The following PDPR variants were observed in gnomAD, a reference collection of about 807,000 sequenced individuals.
The protein encoded by PDPR is pyruvate dehydrogenase phosphatase regulatory subunit, also known as pyruvate dehydrogenase phosphatase regulatory subunit, mitochondrial.
A neutral mutation model predicts 102.2 loss-of-function variants in PDPR; 50 were observed. The ratio of observed to expected loss-of-function variants is 0.49; its 90% CI spans 0.39 to 0.62. The LOEUF (loss-of-function observed/expected upper bound fraction) is 0.62. Ranked by LOEUF, PDPR falls within the 20% of genes least tolerant of loss-of-function variation. PDPR has a pLI of 0.00. For synonymous variants in PDPR, 259 were observed against 406.0 expected (o/e 0.64, Z 4.35); for missense variants, 625 against 1,098.2 (o/e 0.57, Z 6.09).
chr16:70,116,509 C>T (rs532775550), intron 2 of PDPR, among the ~76,000 whole-genome samples: 3 of 148,274 alleles, frequency 2.0e-5, no homozygotes, highest in African/African-American at 7.5e-5. Context: ...GAGTTCAGGA[C>T]CAGCCTGGGC....
chr16:70,117,357 T>TA (rs1295649691), intron 2 of PDPR, among the ~76,000 whole-genome samples: 16 of 136,482 alleles, frequency 1.2e-4, no homozygotes, highest in Non-Finnish European at 1.6e-4. Context: ...TCCTAAAAAT[T>TA]AAAAAAAAAA....
intron 17 of PDPR, among the ~76,000 whole-genome samples, chr16:70,148,936 C>A (rs1450517679): frequency 6.6e-6 from 1 of 151,806 alleles, no homozygotes; most frequent in Non-Finnish European, 1.5e-5. Flanking sequence ...ACTCTTTTGC[C>A]CAGGGTGGAG....
At chr16:70,132,375 A>G in intron 9 of PDPR, 75 bp downstream of exon 9, 2 of 1,435,374 alleles carry the variant, frequency 1.4e-6, no homozygotes, top group South Asian at 1.2e-5. Context: ...ATTTTGAAGA[A>G]TAGTTCCTTG....
At chr16:70,114,539 C>T (rs892290300) in intron 1 of PDPR, 99 bp downstream of exon 1, 2 of 152,204 alleles carry the variant, frequency 1.3e-5, no homozygotes, top group Non-Finnish European at 2.9e-5. Context: ...TGGTTTCGCC[C>T]GGGGGTGGTC....
intron 7 of PDPR, among the ~76,000 whole-genome samples, 160 bp downstream of exon 7, chr16:70,130,704 A>G (rs565176959): frequency 6.6e-6 from 1 of 152,410 alleles, no homozygotes; most frequent in East Asian, 1.9e-4. Context: ...CTTAGTCTGC[A>G]AATAGAAGCC....
At chr16:70,153,703 A>G (rs1966857836) in intron 18 of PDPR, 130 bp downstream of exon 18, 2 of 1,009,884 alleles carry the variant, frequency 2.0e-6, no homozygotes, top group Non-Finnish European at 2.8e-6. Flanking sequence ...GCATCAGGTA[A>G]ATGAGGACAA....
At chr16:70,117,742 G>C (rs1168344651) in intron 2 of PDPR, among the ~76,000 whole-genome samples, 1 of 151,718 alleles carries the variant, frequency 6.6e-6, no homozygotes, top group Admixed American at 6.6e-5. Context: ...AAGAACCAGA[G>C]TGTGAAGGAT....
chr16:70,142,804 T>C, intron 13 of PDPR, 118 bp downstream of exon 13: 2 of 1,374,450 alleles, frequency 1.5e-6, no homozygotes, highest in Non-Finnish European at 1.0e-6. Context: ...CATGCCTGTA[T>C]TCCCAGCACT....
intron 2 of PDPR, 94 bp from the exon 3 acceptor site, chr16:70,120,367 G>C (rs1252731864): frequency 1.4e-6 from 1 of 716,266 alleles, no homozygotes. Context: ...AATATTTGCT[G>C]AATGAATGGC....
chr16:70,141,663 T>C (rs982413653), intron 11 of PDPR, among the ~76,000 whole-genome samples: 1 of 152,274 alleles, frequency 6.6e-6, no homozygotes, highest in African/African-American at 2.4e-5. Flanking sequence ...TACCTACTAA[T>C]GTGGAATGCT....
chr16:70,151,652 G>A (rs1381391051), intron 17 of PDPR, among the ~76,000 whole-genome samples: 1 of 152,286 alleles, frequency 6.6e-6, no homozygotes, highest in Non-Finnish European at 1.5e-5. Context: ...TGTGGCTCTA[G>A]CAGCTTCATC....
intron 17 of PDPR, among the ~76,000 whole-genome samples, chr16:70,150,750 G>A (rs1217762904): frequency 6.6e-6 from 1 of 152,240 alleles, no homozygotes; most frequent in African/African-American, 2.4e-5. Context: ...GGACTCTAGT[G>A]ATCCTCTCAC....
chr16:70,126,098 T>A (rs1384383773), intron 3 of PDPR, among the ~76,000 whole-genome samples: 1 of 152,282 alleles, frequency 6.6e-6, no homozygotes, highest in African/African-American at 2.4e-5. Flanking sequence ...GGAGCATACC[T>A]TACACACTGT....
At position 70,115,507 on chromosome 16, in the gene PDPR, T is replaced by G. The variant is rs375952208; in HGVS notation, c.-33+577T>G. Reference sequence around the variant, plus strand: ...TCCCTGGAGTGGCAGGATCAGAATCTGCCGAGGTGGACCGTGGGAATCTGT... The same window carrying G: ...TCCCTGGAGTGGCAGGATCAGAATCGGCCGAGGTGGACCGTGGGAATCTGT... On this transcript the variant is annotated intron_variant, in intron 2 of 18. Transcript: ENST00000288050. Among the ~76,000 whole-genome samples the G allele has an allele frequency of 8.1e-4, 123 of 152,350 alleles. 1 individual carries two copies. Among genetic ancestry groups the G allele is most frequent in the Admixed American group, 7.2e-4 (11 of 15,302 alleles).
rs1438914153 is a variant in PDPR, at chr16:70,148,695, G to C, written c.2052+142G>C. ...AGGTTTGGAGAGCTGTATCTGATTG[G>C]GCCTTGGGAGCTGAGGTAGGCTGCA... is the stretch of plus-strand genomic sequence containing the variant. On this transcript the variant is annotated intron_variant, in intron 17 of 18. Transcript: ENST00000288050. The C allele has an allele frequency of 6.9e-6, 5 of 722,606 alleles. No homozygotes were observed. The East Asian group carries it at 1.4e-4, about 20-fold the overall frequency. 44.8% of individuals were successfully genotyped at this position (722,606 alleles called of 1,614,324 possible).
At chr16:70,122,889 C>G (rs541135891) in intron 3 of PDPR, among the ~76,000 whole-genome samples, 10 of 108,504 alleles carry the variant, frequency 9.2e-5, no homozygotes, top group Admixed American at 2.8e-4. Flanking sequence ...TCATGGATTT[C>G]TATTTTATGC....
rs1327270631 is a variant in PDPR at position 70,161,276 on chromosome 16, T to A, written c.*4397T>A. The A allele has an allele frequency of 7.4e-6, 1 of 134,794 alleles. No individual in the cohort carries two copies. The highest frequency in any genetic ancestry group is 2.1e-4 in the East Asian group (1 of 4,790). 8.3% of individuals were successfully genotyped at this position (134,794 alleles called of 1,614,324 possible). On this transcript the variant is annotated 3_prime_UTR_variant, in exon 19 of 19. Coordinates refer to ENST00000288050, the MANE Select transcript of PDPR (RefSeq NM_017990.5). ...AGCCTGGGTAACAGAGTGAGACTCT[T>A]GTCTCAAAAAAAAAAAAAAAAAAAT...
In PDPR at chr16:70,162,469, G is replaced by A. The variant is rs1322062647; in HGVS notation, c.*5590G>A. 2.0e-5 allele frequency: 3 copies of A among 152,418 alleles called. No individual in the cohort carries two copies. Among genetic ancestry groups the A allele is most frequent in the Non-Finnish European group, 4.4e-5 (3 of 68,128 alleles). 9.4% of individuals were successfully genotyped at this position (152,418 alleles called of 1,614,324 possible). A position where few individuals can be genotyped will look rare whatever the true frequency, so the allele number is the denominator to read the frequency against. ...CTGTGCACTGTCTCCACCAAGCAAGGTTTCCACTGAGTTTCTTCTCATGTT... is the reference window on the plus strand; with the variant it reads ...CTGTGCACTGTCTCCACCAAGCAAGATTTCCACTGAGTTTCTTCTCATGTT... On this transcript the variant is annotated 3_prime_UTR_variant, in exon 19 of 19. Transcript: ENST00000288050.
intron 6 of PDPR, among the ~76,000 whole-genome samples, 180 bp from the exon 7 acceptor site, chr16:70,130,243 G>T (rs139385960): frequency 6.6e-6 from 1 of 152,254 alleles, no homozygotes; most frequent in African/African-American, 2.4e-5. Context: ...AGCCAAGATC[G>T]CACGACTACA....
Sources: allele counts gnomAD v4.1 joint callset (sites outside exome capture counted in the v4.1 genomes callset), GRCh38; gene constraint gnomAD v4.1.1; transcripts MANE v1.5; gene names NCBI Gene and HGNC (gene_info 2026-07-23, HGNC 2026-07-21).